The following ARMC9 variants were observed in gnomAD, a reference collection of about 807,000 sequenced individuals.
ARMC9 encodes the protein armadillo repeat containing 9.
A neutral mutation model predicts 107.0 loss-of-function variants in ARMC9; 94 were observed. The observed-to-expected ratio is 0.88, with a 90% CI of 0.74 to 1.04. The LOEUF (loss-of-function observed/expected upper bound fraction) is 1.04, where lower values mean the gene tolerates loss of function less well. Ranked by LOEUF, ARMC9 falls within the 50% of genes least tolerant of loss-of-function variation. The probability of loss-of-function intolerance (pLI) is 0.00; values close to 1 mark genes in which losing one functional copy is unlikely to be tolerated. For missense variants in ARMC9, 942 were observed against 1,030.1 expected (o/e 0.91, Z 1.17); for synonymous variants, 380 against 396.9 (o/e 0.96, Z 0.51).
At chr2:231,228,882 C>T (rs1013353511) in intron 7 of ARMC9, among the ~76,000 whole-genome samples, 6 of 152,020 alleles carry the variant, frequency 3.9e-5, no homozygotes, top group African/African-American at 1.4e-4. Flanking sequence ...GCTCATGTCC[C>T]CCTAGCATAC....
Position 231,256,380 on chromosome 2 carries a change from T to C in ARMC9, c.880-206T>C, listed in dbSNP as rs552512115. ...ATGGGAATGGTCTGTCACAGTCTGC[T>C]CCTTTTTTTTTGTCCGCCACACGGA... On this transcript the variant is annotated intron_variant, in intron 9 of 24. Coordinates refer to ENST00000611582, the MANE Select transcript of ARMC9 (RefSeq NM_001352754.2). 298 of 1,311,592 alleles carry C rather than the reference T, an allele frequency of 2.3e-4. No individual in the cohort carries two copies. In the African/African-American group the frequency reaches 4.1e-3, roughly 18 times the overall value. The allele number at this position is 1,311,592 out of a possible 1,614,324, so 81.2% of individuals were successfully genotyped here.
At position 231,360,280 on chromosome 2, in the gene ARMC9, G is replaced by A. The variant is rs375548254; in HGVS notation, c.2132-474G>A. Among the ~76,000 whole-genome samples the A allele has an allele frequency of 2.2e-4, 34 of 152,294 alleles. No homozygotes were observed. In the South Asian group the frequency reaches 3.9e-3, roughly 18 times the overall value. On this transcript the variant is annotated intron_variant, in intron 22 of 24. Coordinates refer to ENST00000611582, the MANE Select transcript of ARMC9 (RefSeq NM_001352754.2). This position sits in a 1 kb window ranked among gnomAD's most constrained non-coding sequence, Gnocchi z 4.7. ...ACTTCCTGGCCACCCTGGGTGTACC[G>A]AGTGGTTCAGCATTAAGGAGCCTTG...
At chr2:231,299,229 C>T (rs1315218620) in intron 19 of ARMC9, among the ~76,000 whole-genome samples, 1 of 152,072 alleles carries the variant, frequency 6.6e-6, no homozygotes, top group Non-Finnish European at 1.5e-5. Flanking sequence ...GATTTATAGA[C>T]TGTCTAGGAT....
chr2:231,218,917 A>G (rs968294271), intron 5 of ARMC9, among the ~76,000 whole-genome samples: 1 of 151,952 alleles, frequency 6.6e-6, no homozygotes, highest in African/African-American at 2.4e-5. Flanking sequence ...ATGTCCGGCT[A>G]ATTTTTGTAT....
chr2:231,207,980 T>C, intron 2 of ARMC9, 147 bp from the exon 3 acceptor site: 1 of 513,330 alleles, frequency 1.9e-6, no homozygotes. Flanking sequence ...ATTTCTCTGA[T>C]TGTTAGTGAT....
chr2:231,360,677 C>A lies in ARMC9; in HGVS notation c.2132-77C>A. 10 of 1,534,986 alleles carry A rather than the reference C, an allele frequency of 6.5e-6. No homozygotes were observed. The highest frequency in any genetic ancestry group is 7.9e-6 in the Non-Finnish European group (9 of 1,146,062). On this transcript the variant is annotated intron_variant, in intron 22 of 24. Coordinates refer to ENST00000611582, the MANE Select transcript of ARMC9 (RefSeq NM_001352754.2). This position sits in a 1 kb window ranked among gnomAD's most constrained non-coding sequence, Gnocchi z 4.7. ...GGGGTGCGTGCTTTTCTTGGCTTTC[C>A]AACCCAGCCCACGAGAGGGCATCCT...
At chr2:231,326,923 G>A (rs2043358756) in intron 19 of ARMC9, among the ~76,000 whole-genome samples, 1 of 152,154 alleles carries the variant, frequency 6.6e-6, no homozygotes, top group South Asian at 2.1e-4. Context: ...TCAAAGGGAA[G>A]GACTGGCTAG....
intron 20 of ARMC9, among the ~76,000 whole-genome samples, chr2:231,334,888 G>T (rs574710694): frequency 1.3e-5 from 2 of 152,250 alleles, no homozygotes; most frequent in South Asian, 2.1e-4. Flanking sequence ...TTTTGTGTGT[G>T]TGCCAAGCTG....
chr2:231,239,966 C>T lies in ARMC9; in HGVS notation c.804C>T (p.Ser268=), dbSNP rs908684864. The T allele has an allele frequency of 8.1e-6, 13 of 1,613,930 alleles. No homozygotes were observed. The African/African-American group carries it at 1.1e-4, about 13-fold the overall frequency. ...AGATCACCCCTGAGTACCTCCAGAG[C>T]GTCTGTGTCCGCCTGTTCAGTAACC... The part of the protein sequence containing the change: ...GKMITPEYLQ[S]VCVRLFSNQM... Residue 268 remains serine, a synonymous_variant, in exon 9 of 25, where the codon AGC becomes AGT. Coordinates refer to ENST00000611582, the MANE Select transcript of ARMC9 (RefSeq NM_001352754.2).
intron 19 of ARMC9, among the ~76,000 whole-genome samples, chr2:231,316,262 TG>T (rs759963205): frequency 5.1e-4 from 77 of 152,186 alleles, no homozygotes; most frequent in Non-Finnish European, 4.3e-4. Flanking sequence ...AATTCTGTTT[TG>T]TTTTTTTTTT....
At chr2:231,280,147 A>G (rs1003458215) in intron 16 of ARMC9, among the ~76,000 whole-genome samples, 2 of 152,176 alleles carry the variant, frequency 1.3e-5, no homozygotes, top group Admixed American at 1.3e-4. Context: ...CTACCAATGC[A>G]TTGGCTTTGA....
chr2:231,260,983 A>G (rs1414426345), intron 11 of ARMC9, among the ~76,000 whole-genome samples: 1 of 152,062 alleles, frequency 6.6e-6, no homozygotes, highest in Non-Finnish European at 1.5e-5. Context: ...GTGACATTCC[A>G]GGCACACCCT....
intron 5 of ARMC9, among the ~76,000 whole-genome samples, chr2:231,220,498 G>A (rs1302319854): frequency 6.6e-6 from 1 of 150,976 alleles, no homozygotes; most frequent in Non-Finnish European, 1.5e-5. Flanking sequence ...TCCGGAGGCT[G>A]AGGCAGGAAA....
intron 4 of ARMC9, 119 bp from the exon 5 acceptor site, chr2:231,216,519 T>C: frequency 1.8e-6 from 2 of 1,138,572 alleles, no homozygotes; most frequent in Non-Finnish European, 2.5e-6. Context: ...CCTGCCAGGT[T>C]AGATAGGGGA....
chr2:231,361,800 C>G (rs2045597235), intron 23 of ARMC9, among the ~76,000 whole-genome samples: 1 of 152,100 alleles, frequency 6.6e-6, no homozygotes, highest in South Asian at 2.1e-4. Context: ...TCTGGGGGCC[C>G]CCGGAGAGGA....
chr2:231,211,209 C>A (rs758536694), intron 3 of ARMC9, among the ~76,000 whole-genome samples: 1 of 151,930 alleles, frequency 6.6e-6, no homozygotes, highest in Non-Finnish European at 1.5e-5. Context: ...GTTGCTTCCA[C>A]CTCTTGGCTA....
intron 12 of ARMC9, among the ~76,000 whole-genome samples, chr2:231,270,289 C>T (rs939105770): frequency 1.3e-5 from 2 of 152,240 alleles, no homozygotes; most frequent in Non-Finnish European, 2.9e-5. Context: ...CCCAGATCCA[C>T]AGACCCTTTG....
intron 5 of ARMC9, among the ~76,000 whole-genome samples, chr2:231,218,678 T>C (rs750000232): frequency 6.6e-6 from 1 of 152,244 alleles, no homozygotes; most frequent in South Asian, 2.1e-4. Flanking sequence ...TCCATTTTTT[T>C]CTTTTGTTAG....
At chr2:231,222,276 G>A (rs542559043) in intron 5 of ARMC9, among the ~76,000 whole-genome samples, 58 of 152,274 alleles carry the variant, frequency 3.8e-4, no homozygotes, top group African/African-American at 1.4e-3. Context: ...GCAGAAAATA[G>A]CTTCTGTCCT....
Sources: allele counts gnomAD v4.1 joint callset (sites outside exome capture counted in the v4.1 genomes callset), GRCh38; gene constraint gnomAD v4.1.1; non-coding constraint Gnocchi (gnomAD v3.1); transcripts MANE v1.5; gene names NCBI Gene and HGNC (gene_info 2026-07-23, HGNC 2026-07-21).